PTPN13: variants seen among roughly 807,000 people sequenced by gnomAD.
The protein encoded by PTPN13 is tyrosine-protein phosphatase non-receptor type 13.
Under a neutral mutation model 284.0 loss-of-function variants are expected in PTPN13, and 191 were observed. The ratio of observed to expected loss-of-function variants is 0.67; its 90% confidence interval spans 0.60 to 0.76. The LOEUF (loss-of-function observed/expected upper bound fraction) is 0.76. PTPN13 is among the 30% of genes least tolerant of loss of function. PTPN13 has a pLI of 0.00. For synonymous variants in PTPN13, 986 were observed against 1,022.3 expected, an observed-to-expected ratio of 0.96 and a Z score of 0.68; for missense variants, 2,797 against 2,939.9, an observed-to-expected ratio of 0.95 and a Z score of 1.12.
At position 86,750,524 on chromosome 4, in the gene PTPN13, A is replaced by G; in HGVS notation, c.2705A>G (p.Asn902Ser). The G allele has an allele frequency of 1.9e-6, 3 of 1,613,970 alleles. No homozygotes were observed. The highest frequency in any genetic ancestry group is 2.5e-6 in the Non-Finnish European group (3 of 1,179,884). Residue 902 changes from asparagine to serine, a missense_variant, in exon 18 of 48, where the codon AAT becomes AGT. Asn to Ser is a conservative substitution (Grantham distance 46). Transcript: ENST00000411767. ...CAAGCAGAGTCTGTTAGAGGATTTA[A>G]TATGGGACGAGCAATCAGCACTGGC... ...NLQAESVRGF[N>S]MGRAISTGSL...
At position 86,652,650 on chromosome 4, in the gene PTPN13, T is replaced by C. The variant is rs116115810; in HGVS notation, c.115+17279T>C. On this transcript the variant is annotated intron_variant, in intron 2 of 47. Coordinates refer to ENST00000411767, the MANE Select transcript of PTPN13 (RefSeq NM_080683.3). ...TCAGAAATGTCAGAGCTCCTTTATA[T>C]GTTATTTGTATATTTTCTCTTGCTG... 5.7e-3 allele frequency among the ~76,000 whole-genome samples: 868 copies of C among 152,286 alleles called. 6 individuals are homozygous for C. The highest frequency in any genetic ancestry group is 0.019 in the African/African-American group (773 of 41,566).
intron 3 of PTPN13, among the ~76,000 whole-genome samples, chr4:86,686,443 G>A (rs1729468828): frequency 6.6e-6 from 1 of 152,146 alleles, no homozygotes; most frequent in South Asian, 2.1e-4. Context: ...GTATTTGCTT[G>A]AATTTGCATC....
At chr4:86,804,758 C>T (rs1180521567) in intron 43 of PTPN13, among the ~76,000 whole-genome samples, 1 of 152,208 alleles carries the variant, frequency 6.6e-6, no homozygotes, top group Non-Finnish European at 1.5e-5. Context: ...TTCTTGCTCA[C>T]CACTGTATTC....
rs1036713495 is a variant in PTPN13, at chr4:86,776,325, C to T, written c.5891+673C>T. Among the ~76,000 whole-genome samples, 19 of 152,280 alleles carry T rather than the reference C, an allele frequency of 1.2e-4. No individual in the cohort carries two copies. The South Asian group carries it at 2.9e-3, about 23-fold the overall frequency. ...CAGGTGAAATCTGATCAGGGCTCTACCTTAATTTATTTGCTATTTTTAGTT... is the reference window on the plus strand; with the variant it reads ...CAGGTGAAATCTGATCAGGGCTCTATCTTAATTTATTTGCTATTTTTAGTT... On this transcript the variant is annotated intron_variant, in intron 35 of 47. Coordinates refer to ENST00000411767, the MANE Select transcript of PTPN13 (RefSeq NM_080683.3).
chr4:86,697,206 A>G (rs1315118807), intron 6 of PTPN13, among the ~76,000 whole-genome samples: 1 of 152,116 alleles, frequency 6.6e-6, no homozygotes, highest in Non-Finnish European at 1.5e-5. Flanking sequence ...CTTGTGATAC[A>G]TTATTAATAA....
At chr4:86,805,207 A>G in intron 43 of PTPN13, 72 bp from the exon 44 acceptor site, 1 of 981,892 alleles carries the variant, frequency 1.0e-6, no homozygotes, top group Middle Eastern at 3.2e-4. Context: ...GCCCCTACAC[A>G]TTTAAAGTAT....
chr4:86,733,435 T>C (rs927364209), intron 12 of PTPN13, among the ~76,000 whole-genome samples: 7 of 152,120 alleles, frequency 4.6e-5, no homozygotes, highest in African/African-American at 1.7e-4. Flanking sequence ...TTGGAAAGTT[T>C]AGGCAACAAA....
chr4:86,813,008 T>C (rs1297088933), intron 47 of PTPN13, among the ~76,000 whole-genome samples: 1 of 152,102 alleles, frequency 6.6e-6, no homozygotes, highest in African/African-American at 2.4e-5. Flanking sequence ...GTAGATTTGC[T>C]AATGGGTTGT....
Position 86,722,265 on chromosome 4 carries a change from T to C in PTPN13, c.1439T>C (p.Leu480Pro). 6.2e-7 allele frequency: 1 copy of C among 1,613,810 alleles called. No homozygotes were observed. The highest frequency in any genetic ancestry group is 8.5e-7 in the Non-Finnish European group (1 of 1,179,806). ...AACTTAATTAATCAAGAGATCATGC[T>C]AAAACGGCAAGAGGAAGAACTGATG... is the stretch of plus-strand genomic sequence containing the variant. ...EGNLINQEIM[L>P]KRQEEELMQL... The change falls in exon 10 of 48, where the codon CTA becomes CCA. Residue 480 changes from leucine to proline, a missense_variant. Physicochemically the swap from Leu to Pro is moderately conservative, Grantham distance 98 (BLOSUM62 -3). Coordinates refer to ENST00000411767, the MANE Select transcript of PTPN13 (RefSeq NM_080683.3).
chr4:86,780,351 C>T, intron 35 of PTPN13, 51 bp from the exon 36 acceptor site: 1 of 1,503,088 alleles, frequency 6.7e-7, no homozygotes, highest in Non-Finnish European at 9.1e-7. Context: ...CCTGGGAGGT[C>T]AAGGCTACAA....
Position 86,741,590 on chromosome 4 carries a change from C to T in PTPN13, c.2305-44C>T, listed in dbSNP as rs115114847. 101 of 1,526,460 alleles carry T rather than the reference C, an allele frequency of 6.6e-5. 1 individual carries two copies. The African/African-American group carries it at 1.2e-3, about 18-fold the overall frequency. 94.6% of individuals were successfully genotyped at this position (1,526,460 alleles called of 1,614,324 possible). A position where few individuals can be genotyped will look rare whatever the true frequency, so the allele number is the denominator to read the frequency against. ...TACAGCTTCAATATCTTTATGTCAC[C>T]ATTTACCAAAGTGTATTGCTATGGT... is the stretch of plus-strand genomic sequence containing the variant. On this transcript the variant is annotated intron_variant, in intron 15 of 47. Transcript: ENST00000411767.
At chr4:86,789,618 T>C (rs920377944) in intron 40 of PTPN13, among the ~76,000 whole-genome samples, 2 of 152,158 alleles carry the variant, frequency 1.3e-5, no homozygotes, top group East Asian at 1.9e-4. Context: ...TCTGGATTCC[T>C]TGAGCACTAG....
chr4:86,744,914 A>G, intron 16 of PTPN13, 52 bp from the exon 17 acceptor site: 1 of 1,331,152 alleles, frequency 7.5e-7, no homozygotes, highest in South Asian at 1.4e-5. Flanking sequence ...CAAGAAATAT[A>G]AATAATATCT....
At position 86,809,827 on chromosome 4, in the gene PTPN13, C is replaced by CAT. The variant is rs1565635593; in HGVS notation, c.7143_7144insTA (p.Pro2382TyrfsTer15). ...TTCACTGCCTGGCCAGACCATGATA[C>CAT]ACCTTCTCAACCAGATGATCTGCTT... On this transcript the variant is annotated frameshift_variant, in exon 46 of 48. Coordinates refer to ENST00000411767, the MANE Select transcript of PTPN13 (RefSeq NM_080683.3). LOFTEE classifies it high-confidence loss of function. The CAT allele has an allele frequency of 6.2e-7, 1 of 1,614,040 alleles. No homozygotes were observed. The highest frequency in any genetic ancestry group is 1.7e-5 in the Admixed American group (1 of 60,020).
rs1488749841 is a variant in PTPN13 at position 86,782,390 on chromosome 4, G to C, written c.6024+128G>C. The C allele has an allele frequency of 5.6e-6, 5 of 890,710 alleles. No homozygotes were observed. The East Asian group carries it at 1.1e-4, about 19-fold the overall frequency. 55.2% of individuals were successfully genotyped at this position (890,710 alleles called of 1,614,324 possible). The stretch of plus-strand genomic sequence containing the variant: ...TTTAGATATTCATATTAATAGTAAG[G>C]CTATATTTTACTGAACTAATAGGCC... On this transcript the variant is annotated intron_variant, in intron 37 of 47. Transcript: ENST00000411767.
At chr4:86,667,971 G>GA (rs1446207657) in intron 2 of PTPN13, among the ~76,000 whole-genome samples, 1 of 151,980 alleles carries the variant, frequency 6.6e-6, no homozygotes, top group Admixed American at 6.6e-5. Context: ...AACCCTCAGG[G>GA]AAAAAAATGG....
chr4:86,690,483 G>A (rs1033066878), intron 5 of PTPN13, among the ~76,000 whole-genome samples: 22 of 151,998 alleles, frequency 1.4e-4, no homozygotes, highest in African/African-American at 5.1e-4. Flanking sequence ...GAATAGGCAT[G>A]TAAATAAAGC....
intron 40 of PTPN13, among the ~76,000 whole-genome samples, chr4:86,788,410 T>C (rs2149327941): frequency 6.6e-6 from 1 of 152,334 alleles, no homozygotes; most frequent in East Asian, 1.9e-4. Context: ...TGTATATTAT[T>C]TACTGAATTG....
At chr4:86,714,934 A>T (rs911093385) in intron 7 of PTPN13, among the ~76,000 whole-genome samples, 1 of 152,192 alleles carries the variant, frequency 6.6e-6, no homozygotes, top group Non-Finnish European at 1.5e-5. Flanking sequence ...TGAAAGTAAG[A>T]GGAGCAATGT....
Sources: gnomAD v4.1 joint callset for allele counts (sites outside exome capture counted in the v4.1 genomes callset) on GRCh38, gnomAD v4.1.1 for gene constraint, MANE v1.5 for transcripts, NCBI Gene and HGNC (gene_info 2026-07-23, HGNC 2026-07-21) for gene names.